Variants in CSMD2 observed in about 807,000 individuals in gnomAD.
The protein encoded by CSMD2 is CUB and sushi domain-containing protein 2.
Under a neutral mutation model 398.5 loss-of-function variants are expected in CSMD2, and 130 were observed. The observed-to-expected ratio is 0.33, with a 90% CI of 0.28 to 0.38. The LOEUF (loss-of-function observed/expected upper bound fraction) is 0.38, where lower values mean the gene tolerates loss of function less well. CSMD2 is among the 10% of genes least tolerant of loss of function. CSMD2 has a pLI of 1.00. For synonymous variants in CSMD2, 1,828 were observed against 1,908.5 expected, an observed-to-expected ratio of 0.96 and a Z score of 1.10; for missense variants, 3,829 against 4,764.9, an observed-to-expected ratio of 0.80 and a Z score of 5.78.
chr1:34,120,507 A>C (rs1426721895), intron 1 of CSMD2, among the ~76,000 whole-genome samples: 3 of 152,212 alleles, frequency 2.0e-5, no homozygotes, highest in African/African-American at 7.2e-5. Flanking sequence ...TATACAGAGC[A>C]ATATGAGGTG....
At chr1:33,605,502 TTC>T (rs1640535358) in intron 41 of CSMD2, 32 bp from the exon 42 acceptor site, 1 of 1,609,324 alleles carries the variant, frequency 6.2e-7, no homozygotes, top group Non-Finnish European at 8.5e-7. Flanking sequence ...GGTCACTTTA[TTC>T]TCTCTGACCA....
intron 2 of CSMD2, among the ~76,000 whole-genome samples, chr1:34,077,961 T>C (rs1175906120): frequency 1.3e-5 from 2 of 152,132 alleles, no homozygotes; most frequent in Non-Finnish European, 2.9e-5. Context: ...TAAAATGTAG[T>C]GAAAGCAGTA....
chr1:33,816,991 CCTG>C (rs1557941214), intron 9 of CSMD2, among the ~76,000 whole-genome samples: 1 of 152,036 alleles, frequency 6.6e-6, no homozygotes, highest in African/African-American at 2.4e-5. Context: ...CTTTTGGTAA[CCTG>C]CTTGTTAGTG....
rs889300956 is a variant in CSMD2 at position 33,967,277 on chromosome 1, G to A, written c.518-31323C>T. Among the ~76,000 whole-genome samples the A allele has an allele frequency of 2.0e-5, 3 of 151,368 alleles. No individual in the cohort carries two copies. The South Asian group carries it at 6.3e-4, about 32-fold the overall frequency. On this transcript the variant is annotated intron_variant, in intron 3 of 70. Coordinates refer to ENST00000373381, the MANE Select transcript of CSMD2 (RefSeq NM_001281956.2). ...ACAGACTTTTTTTTTTAAAGCGGGG[G>A]GTGGGGGGTAGTCTATAAAGATATT...
intron 12 of CSMD2, among the ~76,000 whole-genome samples, chr1:33,777,110 C>T (rs1405671149): frequency 6.6e-6 from 1 of 152,098 alleles, no homozygotes; most frequent in Non-Finnish European, 1.5e-5. Flanking sequence ...GGAATGGCAT[C>T]GGCGAGCAAG....
At chr1:33,686,896 CTGTT>C (rs1464328905) in intron 25 of CSMD2, among the ~76,000 whole-genome samples, 3 of 152,332 alleles carry the variant, frequency 2.0e-5, no homozygotes, top group South Asian at 2.1e-4. Flanking sequence ...TAGGAATACT[CTGTT>C]TGGGTAAAAT....
chr1:33,921,666 A>G (rs1006762290), intron 4 of CSMD2, among the ~76,000 whole-genome samples: 2 of 151,410 alleles, frequency 1.3e-5, no homozygotes, highest in African/African-American at 4.8e-5. Context: ...ACAGGCCCTC[A>G]GAGGCAAGAA....
chr1:34,029,328 C>G (rs1650116288), intron 3 of CSMD2, among the ~76,000 whole-genome samples: 1 of 152,138 alleles, frequency 6.6e-6, no homozygotes, highest in South Asian at 2.1e-4. Context: ...CCTCCTCCAC[C>G]CCACAATGAG....
chr1:33,829,860 C>T lies in CSMD2; in HGVS notation c.1034-4086G>A, dbSNP rs1254672524. On this transcript the variant is annotated intron_variant, in intron 6 of 70. Coordinates refer to ENST00000373381, the MANE Select transcript of CSMD2 (RefSeq NM_001281956.2). ...AATGGCACACCAGGAGATTATATTC[C>T]GCACCTAGCTCGGAGGGTCCTACGC... Among the ~76,000 whole-genome samples the T allele has an allele frequency of 7.2e-5, 11 of 152,234 alleles. No homozygotes were observed. In the South Asian group the frequency reaches 1.2e-3, roughly 17 times the overall value.
At chr1:34,093,371 G>A (rs1381043493) in intron 1 of CSMD2, among the ~76,000 whole-genome samples, 2 of 152,180 alleles carry the variant, frequency 1.3e-5, no homozygotes, top group African/African-American at 4.8e-5. Flanking sequence ...CCAAAGGAAC[G>A]CAGCTCCTCA....
chr1:33,796,673 A>C (rs1654987119), intron 10 of CSMD2, among the ~76,000 whole-genome samples: 1 of 152,208 alleles, frequency 6.6e-6, no homozygotes, highest in African/African-American at 2.4e-5. Context: ...GAAAGAAAAG[A>C]ATAACAGCAA....
chr1:33,770,623 G>T (rs1173321481), intron 13 of CSMD2, among the ~76,000 whole-genome samples: 1 of 152,254 alleles, frequency 6.6e-6, no homozygotes, highest in East Asian at 1.9e-4. Flanking sequence ...ACACTTGAGT[G>T]ATGGAAGGGC....
At chr1:34,038,226 T>C (rs1297456049) in intron 2 of CSMD2, among the ~76,000 whole-genome samples, 2 of 152,218 alleles carry the variant, frequency 1.3e-5, no homozygotes, top group Non-Finnish European at 2.9e-5. Flanking sequence ...TCCCATCTTT[T>C]ATCTGACAAG....
At chr1:34,165,778 C>A (rs76031137), upstream of CSMD2, 27 of 1,614,012 alleles carry the variant, frequency 1.7e-5, no homozygotes, top group African/African-American at 1.7e-4. Context: ...TTTGAACTTG[C>A]CATCTAGGGC....
rs192600278 is a variant in CSMD2, at chr1:33,778,232, G to A, written c.1664-5481C>T. 3.0e-3 allele frequency among the ~76,000 whole-genome samples: 450 copies of A among 151,996 alleles called. 3 individuals carry two copies. Among genetic ancestry groups the A allele is most frequent in the African/African-American group, 9.3e-3 (385 of 41,408 alleles). On this transcript the variant is annotated intron_variant, in intron 12 of 70. Transcript: ENST00000373381. The stretch of plus-strand genomic sequence containing the variant: ...TTCTTTTGAGACAGGGTCTTGCTCT[G>A]TTGCCCAAACTGGAGTGCAGTGGTG...
At chr1:33,545,872 G>C (rs1227237441) in intron 57 of CSMD2, among the ~76,000 whole-genome samples, 165 bp downstream of exon 57, 1 of 152,198 alleles carries the variant, frequency 6.6e-6, no homozygotes, top group Non-Finnish European at 1.5e-5. Flanking sequence ...GATTACTAAT[G>C]AAAATGCACA....
chr1:34,082,684 AAAG>A (rs1318862471), intron 2 of CSMD2, among the ~76,000 whole-genome samples: 1 of 152,250 alleles, frequency 6.6e-6, no homozygotes, highest in African/African-American at 2.4e-5. Flanking sequence ...GTCTGTGTAT[AAAG>A]AAGTAGACAT....
At chr1:33,807,494 T>C (rs1251402767) in intron 10 of CSMD2, among the ~76,000 whole-genome samples, 2 of 152,190 alleles carry the variant, frequency 1.3e-5, no homozygotes, top group Admixed American at 6.5e-5. Flanking sequence ...CACTGAAAGA[T>C]ATTCCAAAGA....
chr1:33,583,422 A>G (rs1638864577), intron 47 of CSMD2, among the ~76,000 whole-genome samples: 1 of 152,154 alleles, frequency 6.6e-6, no homozygotes, highest in East Asian at 1.9e-4. Flanking sequence ...AGAGTAAGAA[A>G]AGGTTCGGTA....
Sources: allele counts gnomAD v4.1 joint callset (sites outside exome capture counted in the v4.1 genomes callset), GRCh38; gene constraint gnomAD v4.1.1; transcripts MANE v1.5; gene names NCBI Gene and HGNC (gene_info 2026-07-23, HGNC 2026-07-21).